Variants in PRELID2 observed in about 807,000 individuals in gnomAD.
The protein encoded by PRELID2 is PRELI domain containing 2.
Under a neutral mutation model 28.4 loss-of-function variants are expected in PRELID2, and 25 were observed. The ratio of observed to expected loss-of-function variants is 0.88; its 90% CI spans 0.64 to 1.23. The LOEUF is 1.23. Ranked by LOEUF, PRELID2 falls within the 50% of genes most tolerant of loss-of-function variation. PRELID2 has a pLI of 0.00. For missense variants in PRELID2, 201 were observed against 214.4 expected, an observed-to-expected ratio of 0.94 and a Z score of 0.39; for synonymous variants, 76 against 71.6, an observed-to-expected ratio of 1.06 and a Z score of -0.31.
intron 5 of PRELID2, among the ~76,000 whole-genome samples, chr5:145,789,136 T>C (rs1249467957): frequency 3.3e-5 from 5 of 152,168 alleles, no homozygotes; most frequent in Admixed American, 6.6e-5. Flanking sequence ...TCCACAAAAA[T>C]AGAATAAGCA....
intron 1 of PRELID2, among the ~76,000 whole-genome samples, chr5:145,738,711 C>T (rs773560340): frequency 8.5e-5 from 13 of 152,214 alleles, no homozygotes; most frequent in Non-Finnish European, 1.5e-4. Flanking sequence ...AAAGATCTAA[C>T]TCCTGTCATC....
chr5:145,369,222 GAC>G, the PRELID2 span, among the ~76,000 whole-genome samples: 4 of 152,022 alleles, frequency 2.6e-5, no homozygotes, highest in Middle Eastern at 6.8e-3. Context: ...GCATACATGT[GAC>G]ACAGTAGTTT....
chr5:145,463,811 C>T, the PRELID2 span, among the ~76,000 whole-genome samples: 7 of 152,252 alleles, frequency 4.6e-5, no homozygotes, highest in East Asian at 9.7e-4. Flanking sequence ...GAGAACACTA[C>T]TGCCACATGG....
chr5:145,458,133 C>T, the PRELID2 span, among the ~76,000 whole-genome samples: 1 of 152,144 alleles, frequency 6.6e-6, no homozygotes, highest in South Asian at 2.1e-4. Flanking sequence ...TTCAAAGATA[C>T]TTTGCTACTT....
At chr5:145,641,708 C>T (rs548590190) in intron 1 of PRELID2, among the ~76,000 whole-genome samples, 1 of 152,330 alleles carries the variant, frequency 6.6e-6, no homozygotes, top group Non-Finnish European at 1.5e-5. Flanking sequence ...ATGTTCCCCT[C>T]CCTGTGTTCC....
At chr5:145,699,845 G>T (rs17103626) in intron 1 of PRELID2, among the ~76,000 whole-genome samples, 130 of 152,114 alleles carry the variant, frequency 8.5e-4, no homozygotes, top group African/African-American at 3.0e-3. Context: ...TTGTATTCTT[G>T]GGGATTCCAA....
At chr5:145,308,622 A>AC in the PRELID2 span, among the ~76,000 whole-genome samples, 2 of 146,990 alleles carry the variant, frequency 1.4e-5, no homozygotes, top group Non-Finnish European at 3.0e-5. Context: ...GTTAGAGTGT[A>AC]TTTTTTTTTT....
At chr5:145,372,040 G>A in the PRELID2 span, among the ~76,000 whole-genome samples, 4 of 151,904 alleles carry the variant, frequency 2.6e-5, no homozygotes, top group African/African-American at 9.7e-5. Flanking sequence ...TGTGATGTTA[G>A]TGTGCCAATT....
At chr5:145,455,768 T>G in the PRELID2 span, among the ~76,000 whole-genome samples, 1 of 152,192 alleles carries the variant, frequency 6.6e-6, no homozygotes, top group Non-Finnish European at 1.5e-5. Flanking sequence ...TGTATAGGAA[T>G]GCTTGTGATT....
intron 3 of PRELID2, among the ~76,000 whole-genome samples, chr5:145,818,887 C>A (rs1054895468): frequency 6.6e-6 from 1 of 152,154 alleles, no homozygotes; most frequent in Non-Finnish European, 1.5e-5. Flanking sequence ...CCTCCCAAAT[C>A]TCATCTTGAA....
the PRELID2 span, among the ~76,000 whole-genome samples, chr5:145,318,283 A>T: frequency 6.6e-6 from 1 of 151,950 alleles, no homozygotes; most frequent in African/African-American, 2.4e-5. Context: ...AGACCAAGCC[A>T]TTGTTGTCTA....
intron 1 of PRELID2, among the ~76,000 whole-genome samples, chr5:145,696,696 T>G (rs1317251050): frequency 6.6e-6 from 1 of 151,880 alleles, no homozygotes; most frequent in African/African-American, 2.4e-5. Context: ...ACTCTTGAGC[T>G]CAAGTGATCT....
chr5:145,789,699 G>A (rs933516249), intron 5 of PRELID2, among the ~76,000 whole-genome samples: 10 of 152,138 alleles, frequency 6.6e-5, no homozygotes, highest in African/African-American at 2.4e-4. Context: ...ATGGAGTGAA[G>A]AGACAACCTG....
the PRELID2 span, among the ~76,000 whole-genome samples, chr5:145,417,462 C>A: frequency 1.6e-4 from 25 of 152,116 alleles, no homozygotes; most frequent in African/African-American, 5.8e-4. Context: ...AAATATCAGA[C>A]CAATATCCTT....
intron 1 of PRELID2, among the ~76,000 whole-genome samples, chr5:145,730,042 G>C (rs1756293586): frequency 1.3e-5 from 2 of 152,086 alleles, no homozygotes; most frequent in Admixed American, 1.3e-4. Context: ...GCCTGAGAGG[G>C]CTAGAAGCAA....
chr5:145,433,982 T>A, the PRELID2 span, among the ~76,000 whole-genome samples: 1 of 152,184 alleles, frequency 6.6e-6, no homozygotes, highest in Non-Finnish European at 1.5e-5. Flanking sequence ...GGATGTTGAC[T>A]CCCACATGGG....
chr5:145,505,926 A>G (rs1752406885), intron 1 of PRELID2, among the ~76,000 whole-genome samples: 1 of 152,218 alleles, frequency 6.6e-6, no homozygotes, highest in Admixed American at 6.5e-5. Flanking sequence ...TTCCACTTAC[A>G]TGAAATATCT....
chr5:145,491,011 G>A (rs1474602037), intron 1 of PRELID2, among the ~76,000 whole-genome samples: 1 of 147,362 alleles, frequency 6.8e-6, no homozygotes, highest in African/African-American at 2.5e-5. Context: ...AACTTCTTCT[G>A]TATCTCCTAT....
At chr5:145,570,019 G>T (rs989286259) in intron 1 of PRELID2, among the ~76,000 whole-genome samples, 1 of 152,134 alleles carries the variant, frequency 6.6e-6, no homozygotes, top group African/African-American at 2.4e-5. Flanking sequence ...AGGGCTGCGA[G>T]GGCTATCACA....
Sources: gnomAD v4.1 joint callset for allele counts (sites outside exome capture counted in the v4.1 genomes callset) on GRCh38, gnomAD v4.1.1 for gene constraint, MANE v1.5 for transcripts, NCBI Gene and HGNC (gene_info 2026-07-23, HGNC 2026-07-21) for gene names.